The following NRXN3 variants were observed in gnomAD, a reference collection of about 807,000 sequenced individuals.
The protein encoded by NRXN3 is neurexin 3, also known as neurexin III.
A neutral mutation model predicts 137.6 loss-of-function variants in NRXN3; 32 were observed. The observed-to-expected ratio is 0.23, with a 90% confidence interval of 0.18 to 0.31. The LOEUF (loss-of-function observed/expected upper bound fraction) is 0.31, where lower values mean the gene tolerates loss of function less well. Ranked by LOEUF, NRXN3 falls within the 10% of genes least tolerant of loss-of-function variation. The pLI is 1.00. For synonymous variants in NRXN3, 798 were observed against 784.5 expected, an observed-to-expected ratio of 1.02 and a Z score of -0.29; for missense variants, 1,574 against 2,062.5, an observed-to-expected ratio of 0.76 and a Z score of 4.59.
intron 15 of NRXN3, among the ~76,000 whole-genome samples, chr14:79,404,131 G>T (rs549411186): frequency 6.6e-6 from 1 of 152,254 alleles, no homozygotes; most frequent in South Asian, 2.1e-4. Flanking sequence ...AAGAGCTTTT[G>T]CACAGCAAAA....
chr14:79,069,949 C>A (rs930835657), intron 15 of NRXN3, among the ~76,000 whole-genome samples: 2 of 141,112 alleles, frequency 1.4e-5, no homozygotes. Flanking sequence ...TGTAAGTGAG[C>A]TGCTTATAAT....
chr14:78,849,164 G>A (rs374315972), intron 10 of NRXN3, among the ~76,000 whole-genome samples: 43 of 152,220 alleles, frequency 2.8e-4, no homozygotes, highest in Admixed American at 7.2e-4. Context: ...TATTCAAATC[G>A]TAGTTCTGAC....
chr14:79,039,152 T>A lies in NRXN3; in HGVS notation c.3262+51011T>A, dbSNP rs542001099. On this transcript the variant is annotated intron_variant, in intron 15 of 20. Transcript: ENST00000335750. Reference sequence around the variant, plus strand: ...AGAATAATCACAAAACTTGGAACTGTATCTATGGAATATAGAGGTTTCCTT... The same window carrying A: ...AGAATAATCACAAAACTTGGAACTGAATCTATGGAATATAGAGGTTTCCTT... Among the ~76,000 whole-genome samples, 291 of 152,216 alleles carry A rather than the reference T, an allele frequency of 1.9e-3. 1 individual carries two copies. The highest frequency in any genetic ancestry group is 3.4e-3 in the Middle Eastern group (1 of 294).
intron 15 of NRXN3, among the ~76,000 whole-genome samples, chr14:79,104,170 T>C (rs994104027): frequency 6.6e-6 from 1 of 152,198 alleles, no homozygotes; most frequent in African/African-American, 2.4e-5. Context: ...ATAGCACTTA[T>C]TAAATTGTGT....
Position 78,764,922 on chromosome 14 carries a change from A to G in NRXN3, c.2045-38698A>G, listed in dbSNP as rs185202417. ...CTCACTCAAGGACTGAGGAATCAAT[A>G]TCTGGGGGCATACTTGCAAACAATT... On this transcript the variant is annotated intron_variant, in intron 8 of 20. Coordinates refer to ENST00000335750, the MANE Select transcript of NRXN3 (RefSeq NM_001330195.2). Among the ~76,000 whole-genome samples the G allele has an allele frequency of 2.1e-3, 313 of 152,292 alleles. 2 individuals are homozygous for G. Among genetic ancestry groups the G allele is most frequent in the South Asian group, 0.012 (60 of 4,826 alleles).
At chr14:78,655,544 C>T (rs1319883730) in intron 6 of NRXN3, among the ~76,000 whole-genome samples, 1 of 152,050 alleles carries the variant, frequency 6.6e-6, no homozygotes, top group African/African-American at 2.4e-5. Context: ...TGCCTTTGGT[C>T]ATTTATTTGA....
intron 15 of NRXN3, among the ~76,000 whole-genome samples, chr14:79,151,552 G>A (rs1490175105): frequency 2.6e-5 from 4 of 152,040 alleles, no homozygotes; most frequent in Admixed American, 1.3e-4. Context: ...ACTTGGTGCT[G>A]TCCTGGAAAC....
In NRXN3 at chr14:79,719,246, CAT is replaced by C. The variant is rs202001515; in HGVS notation, c.4014+21314_4014+21315del. 1.5e-3 allele frequency among the ~76,000 whole-genome samples: 99 copies of C among 66,962 alleles called. 1 individual carries two copies. Among genetic ancestry groups the C allele is most frequent in the Middle Eastern group, 9.1e-3 (1 of 110 alleles). The allele number at this position is 66,962 out of a possible 152,430, so 43.9% of individuals were successfully genotyped here. A position where few individuals can be genotyped will look rare whatever the true frequency, so the allele number is the denominator to read the frequency against. ...ATTAATATCATCCCGTCATCATAGA[CAT>C]ATATGTGTGTGTGTGTGTGTGTGTG... On this transcript the variant is annotated intron_variant, in intron 19 of 20. Transcript: ENST00000335750.
chr14:78,860,417 AC>A (rs1258843074), intron 10 of NRXN3, among the ~76,000 whole-genome samples: 1 of 152,054 alleles, frequency 6.6e-6, no homozygotes, highest in Non-Finnish European at 1.5e-5. Flanking sequence ...GGAAAAACTT[AC>A]CTGTCTTGTA....
At chr14:78,424,130 G>A (rs1168475343) in intron 4 of NRXN3, among the ~76,000 whole-genome samples, 1 of 152,196 alleles carries the variant, frequency 6.6e-6, no homozygotes, top group Non-Finnish European at 1.5e-5. Context: ...GTCTCTATTT[G>A]TGTTGAGGTT....
At chr14:79,564,807 T>C (rs1456128112) in intron 16 of NRXN3, among the ~76,000 whole-genome samples, 2 of 152,126 alleles carry the variant, frequency 1.3e-5, no homozygotes, top group Non-Finnish European at 2.9e-5. Context: ...TGTCATACCT[T>C]ATTTGGTAAG....
chr14:78,441,397 C>T (rs533832758), intron 4 of NRXN3, among the ~76,000 whole-genome samples: 54 of 152,126 alleles, frequency 3.5e-4, no homozygotes, highest in South Asian at 1.5e-3. Context: ...TATCAAAATC[C>T]ATCCTTCACA....
chr14:79,682,680 G>A (rs899787458), intron 17 of NRXN3, among the ~76,000 whole-genome samples: 3 of 152,044 alleles, frequency 2.0e-5, no homozygotes, highest in African/African-American at 4.8e-5. Flanking sequence ...GATGTTCTAA[G>A]CAGAAGTTTG....
At chr14:79,834,417 G>C (rs912039108) in intron 20 of NRXN3, among the ~76,000 whole-genome samples, 1 of 152,060 alleles carries the variant, frequency 6.6e-6, no homozygotes, top group Non-Finnish European at 1.5e-5. Flanking sequence ...CTCCTGGAAG[G>C]CCAGGTTATT....
intron 19 of NRXN3, among the ~76,000 whole-genome samples, chr14:79,707,892 C>CTCTGTAATT (rs1567960541): frequency 3.9e-5 from 6 of 151,906 alleles, no homozygotes; most frequent in Non-Finnish European, 8.8e-5. Context: ...AAGACAGCAG[C>CTCTGTAATT]GATGCTCTGT....
At chr14:78,458,680 A>G (rs545611487) in intron 4 of NRXN3, among the ~76,000 whole-genome samples, 1 of 152,342 alleles carries the variant, frequency 6.6e-6, no homozygotes, top group East Asian at 1.9e-4. Flanking sequence ...ACCAAATAAC[A>G]TTCTCAATTT....
intron 15 of NRXN3, among the ~76,000 whole-genome samples, chr14:79,261,604 T>C (rs1408876914): frequency 1.9e-4 from 5 of 26,438 alleles, no homozygotes; most frequent in East Asian, 8.3e-4. Context: ...AAAGGTGCTG[T>C]GTGTGTGTGT....
At chr14:79,647,151 A>G (rs1389934461) in intron 16 of NRXN3, among the ~76,000 whole-genome samples, 2 of 136,010 alleles carry the variant, frequency 1.5e-5, no homozygotes, top group Non-Finnish European at 3.4e-5. Context: ...CTTAAACCTC[A>G]ACATGGTAGA....
intron 16 of NRXN3, among the ~76,000 whole-genome samples, chr14:79,592,432 C>T (rs1345149636): frequency 6.6e-6 from 1 of 152,032 alleles, no homozygotes; most frequent in Non-Finnish European, 1.5e-5. Flanking sequence ...TCAATTATTA[C>T]CTTGAAGTTT....
Sources: gnomAD v4.1 joint callset for allele counts (sites outside exome capture counted in the v4.1 genomes callset) on GRCh38, gnomAD v4.1.1 for gene constraint, MANE v1.5 for transcripts, NCBI Gene and HGNC (gene_info 2026-07-23, HGNC 2026-07-21) for gene names.